KCNJ6: variants seen among roughly 807,000 people sequenced by gnomAD.
KCNJ6 encodes the protein G protein-activated inward rectifier potassium channel 2.
KCNJ6 carries 9 observed loss-of-function variants against 34.2 expected under a neutral mutation model. The observed-to-expected ratio is 0.26, with a 90% CI of 0.16 to 0.46. The LOEUF (loss-of-function observed/expected upper bound fraction) is 0.46, where lower values mean the gene tolerates loss of function less well. Among genes scored for constraint, KCNJ6 ranks in the 20% least tolerant of loss-of-function variants. The pLI, the probability that KCNJ6 is intolerant of heterozygous loss-of-function variation, is 1.00. For missense variants in KCNJ6, 236 were observed against 531.3 expected (o/e 0.44, Z 5.46); for synonymous variants, 196 against 207.1 (o/e 0.95, Z 0.46).
At chr21:37,792,854 C>T (rs2055223193) in intron 2 of KCNJ6, among the ~76,000 whole-genome samples, 2 of 152,174 alleles carry the variant, frequency 1.3e-5, no homozygotes, top group Non-Finnish European at 2.9e-5. Flanking sequence ...GTTGCTGTTG[C>T]TTGCTACGTG....
intron 2 of KCNJ6, among the ~76,000 whole-genome samples, chr21:37,768,289 C>T (rs1327897945): frequency 4.6e-5 from 7 of 151,996 alleles, no homozygotes; most frequent in South Asian, 2.1e-4. Flanking sequence ...CTGGGGCATT[C>T]GTGGGACCCT....
chr21:37,673,876 G>C (rs2054552787), intron 3 of KCNJ6, among the ~76,000 whole-genome samples: 4 of 152,216 alleles, frequency 2.6e-5, no homozygotes. Flanking sequence ...GCACATCGGA[G>C]ACACCTGGAG....
At chr21:37,840,340 A>C (rs2055474142) in intron 2 of KCNJ6, among the ~76,000 whole-genome samples, 2 of 152,218 alleles carry the variant, frequency 1.3e-5, no homozygotes, top group Non-Finnish European at 2.9e-5. Context: ...GCTGACTTTG[A>C]CTAAACCTCC....
chr21:37,753,595 G>C (rs542985107), intron 2 of KCNJ6, among the ~76,000 whole-genome samples: 1 of 152,312 alleles, frequency 6.6e-6, no homozygotes, highest in Admixed American at 6.5e-5. Context: ...ACTGTGCAAA[G>C]GGCAGTCTGG....
In KCNJ6 at chr21:37,614,424, G is replaced by C. The variant is rs1184154577; in HGVS notation, c.*10735C>G. ...TATGCATGTGTCTGTGTCTGTGTGA[G>C]TATGCGTGTATCTCTGTGTGTATGC... On this transcript the variant is annotated 3_prime_UTR_variant, in exon 4 of 4. Coordinates refer to ENST00000609713, the MANE Select transcript of KCNJ6 (RefSeq NM_002240.5). The C allele has an allele frequency of 1.4e-5, 2 of 138,408 alleles. No individual in the cohort carries two copies. The highest frequency in any genetic ancestry group is 3.2e-5 in the Non-Finnish European group (2 of 62,462). 8.6% of individuals were successfully genotyped at this position (138,408 alleles called of 1,614,324 possible).
intron 2 of KCNJ6, among the ~76,000 whole-genome samples, chr21:37,759,098 G>A (rs1178137517): frequency 6.6e-6 from 1 of 152,216 alleles, no homozygotes; most frequent in East Asian, 1.9e-4. Flanking sequence ...GCTGAGTGGT[G>A]ACTGTTCCAT....
At chr21:37,640,455 G>A (rs560804554) in intron 3 of KCNJ6, among the ~76,000 whole-genome samples, 1 of 152,366 alleles carries the variant, frequency 6.6e-6, no homozygotes, top group Admixed American at 6.5e-5. Flanking sequence ...TCTGCCTGAG[G>A]ACACCACTAG....
chr21:37,833,842 C>A (rs2055438870), intron 2 of KCNJ6, among the ~76,000 whole-genome samples: 3 of 152,190 alleles, frequency 2.0e-5, no homozygotes, highest in South Asian at 4.1e-4. Flanking sequence ...ACAACTGAAG[C>A]CTGTGCCTAA....
At chr21:37,846,200 C>T (rs2055506417) in intron 1 of KCNJ6, among the ~76,000 whole-genome samples, 1 of 152,062 alleles carries the variant, frequency 6.6e-6, no homozygotes, top group Admixed American at 6.5e-5. Context: ...GTAATTTATA[C>T]TCCCACATCT....
intron 3 of KCNJ6, among the ~76,000 whole-genome samples, chr21:37,672,432 TG>T (rs2054546277): frequency 6.6e-6 from 1 of 151,902 alleles, no homozygotes; most frequent in Non-Finnish European, 1.5e-5. Context: ...GAAAAGGAGC[TG>T]GGTCTGGGGG....
rs188139453 is a variant in KCNJ6, at chr21:37,805,860, G to A, written c.25+34798C>T. Among the ~76,000 whole-genome samples the A allele has an allele frequency of 3.3e-5, 5 of 152,276 alleles. No individual in the cohort carries two copies. The East Asian group carries it at 5.8e-4, about 18-fold the overall frequency. ...AATGCCAAGGATCTCTGTCAACCAC[G>A]AGGAGTCGGAAGAGGCCAGGAAGGA... On this transcript the variant is annotated intron_variant, in intron 2 of 3. Transcript: ENST00000609713.
At chr21:37,760,042 C>T (rs187926965) in intron 2 of KCNJ6, among the ~76,000 whole-genome samples, 90 of 152,314 alleles carry the variant, frequency 5.9e-4, no homozygotes, top group Non-Finnish European at 1.1e-3. Flanking sequence ...AGCACCAACT[C>T]GCCAGCCACG....
At chr21:37,865,016 G>A (rs2055615364) in intron 1 of KCNJ6, among the ~76,000 whole-genome samples, 1 of 152,058 alleles carries the variant, frequency 6.6e-6, no homozygotes, top group South Asian at 2.1e-4. Context: ...AGAAAAAGAT[G>A]TTCTCTATGC....
chr21:37,808,215 G>A (rs1477351649), intron 2 of KCNJ6, among the ~76,000 whole-genome samples: 8 of 152,182 alleles, frequency 5.3e-5, no homozygotes, highest in African/African-American at 1.9e-4. Flanking sequence ...AATTTGTCCT[G>A]TTGTAGGGCA....
In KCNJ6 at chr21:37,615,465, A is replaced by G. The variant is rs1409029416; in HGVS notation, c.*9694T>C. On this transcript the variant is annotated 3_prime_UTR_variant, in exon 4 of 4. Transcript: ENST00000609713. ...TCAGTACGGTGGCTGCAGAATTGTT[A>G]CTGGTGAGCAGAGTTTATTCTTGCC... 1 of 152,104 alleles carries G rather than the reference A, an allele frequency of 6.6e-6. No homozygotes were observed. The highest frequency in any genetic ancestry group is 6.5e-5 in the Admixed American group (1 of 15,276). The allele number at this position is 152,104 out of a possible 1,614,324, so 9.4% of individuals were successfully genotyped here. A position where few individuals can be genotyped will look rare whatever the true frequency, so the allele number is the denominator to read the frequency against.
At chr21:37,701,818 G>C (rs2054692552) in intron 3 of KCNJ6, among the ~76,000 whole-genome samples, 1 of 152,160 alleles carries the variant, frequency 6.6e-6, no homozygotes. Flanking sequence ...GGTGAGAGCA[G>C]ACAAGCAGGC....
intron 3 of KCNJ6, among the ~76,000 whole-genome samples, chr21:37,692,713 G>T (rs1403690557): frequency 6.6e-6 from 1 of 152,200 alleles, no homozygotes; most frequent in Non-Finnish European, 1.5e-5. Flanking sequence ...CTTTCAAAGA[G>T]ACATAGAATA....
At chr21:37,701,762 T>C (rs745361866) in intron 3 of KCNJ6, among the ~76,000 whole-genome samples, 9 of 152,006 alleles carry the variant, frequency 5.9e-5, no homozygotes, top group Non-Finnish European at 1.0e-4. Context: ...GTGCTCAGGA[T>C]TGGAAACCCA....
chr21:37,812,995 T>C (rs983971483), intron 2 of KCNJ6, among the ~76,000 whole-genome samples: 1 of 152,198 alleles, frequency 6.6e-6, no homozygotes, highest in African/African-American at 2.4e-5. Context: ...GCAGATGATA[T>C]GGTATTACAT....
Sources: gnomAD v4.1 joint callset for allele counts (sites outside exome capture counted in the v4.1 genomes callset) on GRCh38, gnomAD v4.1.1 for gene constraint, MANE v1.5 for transcripts, NCBI Gene and HGNC (gene_info 2026-07-23, HGNC 2026-07-21) for gene names.